Variants in RAB38 observed in about 807,000 individuals in gnomAD.
RAB38 encodes ras-related protein Rab-38.
In RAB38, 15 loss-of-function variants were observed where a neutral mutation model predicts 18.4. The observed-to-expected ratio is 0.82, with a 90% confidence interval of 0.55 to 1.26. The LOEUF is 1.26. RAB38 is among the 50% of genes most tolerant of loss of function. The pLI is 0.00. For missense variants in RAB38, 294 were observed against 267.4 expected, an observed-to-expected ratio of 1.10 and a Z score of -0.69; for synonymous variants, 101 against 104.4, an observed-to-expected ratio of 0.97 and a Z score of 0.20.
At chr11:87,946,842 T>A in the RAB38 span, among the ~76,000 whole-genome samples, 108 of 151,002 alleles carry the variant, frequency 7.2e-4, no homozygotes, top group Non-Finnish European at 1.1e-3. Flanking sequence ...ATAGTGCCGC[T>A]ATAAACATAT....
At chr11:87,813,147 A>T in the RAB38 span, among the ~76,000 whole-genome samples, 3 of 152,186 alleles carry the variant, frequency 2.0e-5, no homozygotes, top group Admixed American at 6.5e-5. Context: ...ATTCTAAGAG[A>T]ATGCAGATGG....
the RAB38 span, among the ~76,000 whole-genome samples, chr11:87,902,016 T>C: frequency 2.3e-4 from 35 of 151,442 alleles, no homozygotes; most frequent in Admixed American, 2.2e-3. Flanking sequence ...AGTGTAAAGA[T>C]TGGACTGCAG....
chr11:88,053,655 G>A, the RAB38 span, among the ~76,000 whole-genome samples: 1 of 151,814 alleles, frequency 6.6e-6, no homozygotes, highest in Non-Finnish European at 1.5e-5. Context: ...AATAAAATCA[G>A]GAGGTTGGGG....
At chr11:88,024,251 A>G in the RAB38 span, among the ~76,000 whole-genome samples, 8 of 152,238 alleles carry the variant, frequency 5.3e-5, no homozygotes, top group East Asian at 1.9e-4. Flanking sequence ...TCTCAAAAGA[A>G]GATATACAAA....
At chr11:88,030,714 G>T in the RAB38 span, among the ~76,000 whole-genome samples, 4 of 152,086 alleles carry the variant, frequency 2.6e-5, no homozygotes, top group East Asian at 3.9e-4. Context: ...AATAACAGGA[G>T]CTGAAATTGT....
chr11:88,160,252 G>A (rs1943174039), intron 1 of RAB38, among the ~76,000 whole-genome samples: 1 of 151,996 alleles, frequency 6.6e-6, no homozygotes, highest in Non-Finnish European at 1.5e-5. Flanking sequence ...CCAGAGAAAT[G>A]CAAATCAAAA....
At chr11:87,872,591 T>C in the RAB38 span, among the ~76,000 whole-genome samples, 4 of 151,582 alleles carry the variant, frequency 2.6e-5, no homozygotes, top group Admixed American at 2.0e-4. Flanking sequence ...CCCTGTGCTA[T>C]ACCTATTCAT....
intron 1 of RAB38, among the ~76,000 whole-genome samples, chr11:88,151,227 T>C (rs1943060495): frequency 6.6e-6 from 1 of 152,204 alleles, no homozygotes; most frequent in African/African-American, 2.4e-5. Flanking sequence ...AGTGAATTAA[T>C]ATATGCAAAG....
At chr11:87,863,814 G>A in the RAB38 span, among the ~76,000 whole-genome samples, 44 of 151,702 alleles carry the variant, frequency 2.9e-4, no homozygotes, top group Admixed American at 7.9e-4. Flanking sequence ...GACTTCACTC[G>A]CCTAAAATCC....
At chr11:87,849,801 T>C in the RAB38 span, among the ~76,000 whole-genome samples, 1 of 152,132 alleles carries the variant, frequency 6.6e-6, no homozygotes, top group East Asian at 1.9e-4. Context: ...AAACAAAATT[T>C]AACCTTGGGC....
chr11:88,113,746 CTACA>C lies in RAB38; in HGVS notation c.*238_*241del. ...TGTGGCCCTGCAGGATTTTGGTCAGCTACATGACAGAAGTTTGTAACAGACTAAA... is the reference window on the plus strand; with the variant it reads ...TGTGGCCCTGCAGGATTTTGGTCAGCTGACAGAAGTTTGTAACAGACTAAA... On this transcript the variant is annotated 3_prime_UTR_variant, in exon 3 of 3. Transcript: ENST00000243662. The C allele has an allele frequency of 2.1e-6, 1 of 467,174 alleles. No homozygotes were observed. The highest frequency in any genetic ancestry group is 3.8e-6 in the Non-Finnish European group (1 of 265,026). The allele number at this position is 467,174 out of a possible 1,614,324, so 28.9% of individuals were successfully genotyped here.
chr11:87,898,006 A>T, the RAB38 span, among the ~76,000 whole-genome samples: 1 of 151,540 alleles, frequency 6.6e-6, no homozygotes, highest in Middle Eastern at 3.2e-3. Flanking sequence ...TCTATTTTTC[A>T]TCTCAAGATT....
At chr11:88,154,763 C>A (rs1316886548) in intron 1 of RAB38, among the ~76,000 whole-genome samples, 3 of 152,228 alleles carry the variant, frequency 2.0e-5, no homozygotes, top group African/African-American at 4.8e-5. Context: ...GAGGCTAACT[C>A]TGTTTCACAC....
chr11:88,006,594 A>AATAT, the RAB38 span, among the ~76,000 whole-genome samples: 5 of 140,224 alleles, frequency 3.6e-5, no homozygotes, highest in South Asian at 6.7e-4. Context: ...ATATGTATAT[A>AATAT]ATATATATAC....
chr11:88,051,410 AG>A, the RAB38 span, among the ~76,000 whole-genome samples: 1 of 152,002 alleles, frequency 6.6e-6, no homozygotes, highest in East Asian at 1.9e-4. Context: ...ATCACCACCT[AG>A]GTCCACCATA....
chr11:88,126,232 G>T (rs1012413483), intron 2 of RAB38, among the ~76,000 whole-genome samples: 78 of 152,214 alleles, frequency 5.1e-4, no homozygotes, highest in African/African-American at 1.8e-3. Context: ...CTTTAAAGTG[G>T]TTTTTTAAGA....
chr11:87,937,505 C>CA, the RAB38 span, among the ~76,000 whole-genome samples: 7 of 151,520 alleles, frequency 4.6e-5, no homozygotes, highest in Admixed American at 4.6e-4. Context: ...TTCTGGAAGA[C>CA]ATTGTGTCAA....
chr11:88,020,911 A>G, the RAB38 span, among the ~76,000 whole-genome samples: 6 of 152,150 alleles, frequency 3.9e-5, no homozygotes, highest in African/African-American at 1.4e-4. Context: ...ATGATAATGA[A>G]AACAGAACAT....
At chr11:87,917,225 C>T in the RAB38 span, among the ~76,000 whole-genome samples, 10 of 151,876 alleles carry the variant, frequency 6.6e-5, no homozygotes, top group East Asian at 1.9e-4. Flanking sequence ...CTGCACCGTG[C>T]GTGGGGTATT....
Sources: allele counts gnomAD v4.1 joint callset (sites outside exome capture counted in the v4.1 genomes callset), GRCh38; gene constraint gnomAD v4.1.1; transcripts MANE v1.5; gene names NCBI Gene and HGNC (gene_info 2026-07-23, HGNC 2026-07-21).